The following SLC8A1 variants were observed in gnomAD, a reference collection of about 807,000 sequenced individuals.
SLC8A1 encodes the protein solute carrier family 8 member A1.
Under a neutral mutation model 68.3 loss-of-function variants are expected in SLC8A1, and 18 were observed. The observed-to-expected ratio is 0.26, with a 90% confidence interval of 0.18 to 0.39. The LOEUF (loss-of-function observed/expected upper bound fraction) is 0.39, where lower values mean the gene tolerates loss of function less well. Ranked by LOEUF, SLC8A1 falls within the 10% of genes least tolerant of loss-of-function variation. The pLI is 1.00. For synonymous variants in SLC8A1, 475 were observed against 415.5 expected, an observed-to-expected ratio of 1.14 and a Z score of -1.74; for missense variants, 985 against 1,156.7, an observed-to-expected ratio of 0.85 and a Z score of 2.15.
At chr2:40,334,901 C>T (rs966047532) in intron 2 of SLC8A1, among the ~76,000 whole-genome samples, 5 of 152,170 alleles carry the variant, frequency 3.3e-5, no homozygotes, top group Non-Finnish European at 5.9e-5. Flanking sequence ...GGTGAGGGGG[C>T]AGCAGTAGGC....
At chr2:40,410,940 G>C (rs1471208004) in intron 2 of SLC8A1, among the ~76,000 whole-genome samples, 2 of 151,856 alleles carry the variant, frequency 1.3e-5, no homozygotes, top group African/African-American at 4.8e-5. Flanking sequence ...ATTCAAAATG[G>C]GATTTTTTGA....
intron 2 of SLC8A1, among the ~76,000 whole-genome samples, chr2:40,329,899 G>A (rs2076240278): frequency 6.6e-6 from 1 of 152,052 alleles, no homozygotes; most frequent in Non-Finnish European, 1.5e-5. Flanking sequence ...GGGAATTTAT[G>A]ACCAACCCTC....
chr2:40,246,551 G>C (rs1008790724), intron 2 of SLC8A1, among the ~76,000 whole-genome samples: 4 of 152,164 alleles, frequency 2.6e-5, no homozygotes, highest in Admixed American at 2.6e-4. Context: ...CTCTGCTCAG[G>C]ACTGATTCCT....
At chr2:40,499,834 C>T (rs1031567284) in intron 1 of SLC8A1, among the ~76,000 whole-genome samples, 1 of 152,082 alleles carries the variant, frequency 6.6e-6, no homozygotes, top group Non-Finnish European at 1.5e-5. Flanking sequence ...CAGTCTTTGC[C>T]TCTCATCCCA....
At chr2:40,181,121 A>C (rs1201674520) in intron 2 of SLC8A1, among the ~76,000 whole-genome samples, 1 of 151,980 alleles carries the variant, frequency 6.6e-6, no homozygotes, top group Non-Finnish European at 1.5e-5. Context: ...CACCATGCCC[A>C]GCTAATTTTT....
intron 2 of SLC8A1, among the ~76,000 whole-genome samples, chr2:40,183,670 A>G (rs918552485): frequency 6.6e-6 from 1 of 152,194 alleles, no homozygotes; most frequent in African/African-American, 2.4e-5. Context: ...AGAGGCACCA[A>G]TCTAGAGTGG....
chr2:40,328,986 T>A (rs1276699714), intron 2 of SLC8A1, among the ~76,000 whole-genome samples: 1 of 151,682 alleles, frequency 6.6e-6, no homozygotes, highest in South Asian at 2.1e-4. Context: ...CCAGACACAT[T>A]AATGTATCCC....
chr2:40,429,458 T>G (rs1697749523), exon 2 of SLC8A1: 1 of 1,613,764 alleles, frequency 6.2e-7, no homozygotes, highest in African/African-American at 1.3e-5. Flanking sequence ...TGTTCAATAA[T>G]CATCCCCCTC....
chr2:40,183,294 A>G (rs549296766), intron 2 of SLC8A1, among the ~76,000 whole-genome samples: 1 of 152,314 alleles, frequency 6.6e-6, no homozygotes, highest in South Asian at 2.1e-4. Flanking sequence ...TGGCCACTTT[A>G]AAGGATCTGG....
intron 2 of SLC8A1, among the ~76,000 whole-genome samples, chr2:40,255,785 G>C (rs1162991032): frequency 1.3e-5 from 2 of 152,182 alleles, no homozygotes; most frequent in Admixed American, 6.5e-5. Context: ...ATGAGGCAAG[G>C]CTTGTGGCAG....
intron 1 of SLC8A1, among the ~76,000 whole-genome samples, chr2:40,475,738 GT>G (rs1704262932): frequency 6.6e-6 from 1 of 151,838 alleles, no homozygotes; most frequent in African/African-American, 2.4e-5. Flanking sequence ...AAGCTCTTTA[GT>G]TGCTGAAGGA....
chr2:40,342,102 A>G (rs575698086), intron 2 of SLC8A1, among the ~76,000 whole-genome samples: 1 of 152,156 alleles, frequency 6.6e-6, no homozygotes, highest in Non-Finnish European at 1.5e-5. Context: ...AAGAGTTAGT[A>G]AAGTTTCTTG....
At chr2:40,158,195 T>A (rs914000243) in intron 6 of SLC8A1, among the ~76,000 whole-genome samples, 4 of 152,232 alleles carry the variant, frequency 2.6e-5, no homozygotes, top group African/African-American at 9.6e-5. Context: ...TATTTAGCCA[T>A]GAAATTTTAA....
intron 2 of SLC8A1, among the ~76,000 whole-genome samples, chr2:40,407,333 T>G (rs1159874352): frequency 6.6e-6 from 1 of 152,210 alleles, no homozygotes; most frequent in Non-Finnish European, 1.5e-5. Context: ...CCCACAGTGC[T>G]GGGACTACAG....
intron 2 of SLC8A1, among the ~76,000 whole-genome samples, chr2:40,182,776 T>G (rs1372375666): frequency 6.6e-6 from 1 of 152,192 alleles, no homozygotes; most frequent in African/African-American, 2.4e-5. Context: ...CTCTTCAAAA[T>G]ATATTTTAGT....
At chr2:40,473,513 C>A (rs148762190) in intron 1 of SLC8A1, among the ~76,000 whole-genome samples, 2,036 of 152,190 alleles carry the variant, frequency 0.013, 50 homozygotes, top group African/African-American at 0.046. Context: ...GCTTTTTCCC[C>A]AAATAATATG....
intron 2 of SLC8A1, among the ~76,000 whole-genome samples, chr2:40,397,965 A>C (rs1271519582): frequency 6.6e-6 from 1 of 152,174 alleles, no homozygotes; most frequent in Non-Finnish European, 1.5e-5. Flanking sequence ...CTTACACATT[A>C]AACAGCTGAG....
At chr2:40,184,868 T>TA (rs2050357996) in intron 2 of SLC8A1, among the ~76,000 whole-genome samples, 1 of 129,954 alleles carries the variant, frequency 7.7e-6, no homozygotes, top group South Asian at 2.4e-4. Flanking sequence ...AAACTCCTCT[T>TA]ACAGCTTACA....
chr2:40,251,992 A>AAGTT (rs76680392), intron 2 of SLC8A1, among the ~76,000 whole-genome samples: 1 of 152,106 alleles, frequency 6.6e-6, no homozygotes, highest in Non-Finnish European at 1.5e-5. Flanking sequence ...AGTGAGAAAA[A>AAGTT]AGTTTGTTTT....
Sources: gnomAD v4.1 joint callset for allele counts (sites outside exome capture counted in the v4.1 genomes callset) on GRCh38, gnomAD v4.1.1 for gene constraint, MANE v1.5 for transcripts, NCBI Gene and HGNC (gene_info 2026-07-23, HGNC 2026-07-21) for gene names.